The following AGBL4 variants were observed in gnomAD, a reference collection of about 807,000 sequenced individuals.
The protein encoded by AGBL4 is AGBL carboxypeptidase 4.
A neutral mutation model predicts 66.4 loss-of-function variants in AGBL4; 58 were observed. The ratio of observed to expected loss-of-function variants is 0.87; its 90% CI spans 0.71 to 1.09. AGBL4 has a LOEUF of 1.09. Among genes scored for constraint, AGBL4 ranks in the 50% least tolerant of loss-of-function variants. AGBL4 has a pLI of 0.00. For missense variants in AGBL4, 579 were observed against 631.0 expected (o/e 0.92, Z 0.88); for synonymous variants, 234 against 222.9 (o/e 1.05, Z -0.44).
At position 49,697,308 on chromosome 1, in the gene AGBL4, C is replaced by A. The variant is rs774018600; in HGVS notation, c.282+5G>T. 1 of 1,544,572 alleles carries A rather than the reference C, an allele frequency of 6.5e-7. No individual in the cohort carries two copies. The highest frequency in any genetic ancestry group is 8.8e-7 in the Non-Finnish European group (1 of 1,141,892). On this transcript the variant is annotated splice_donor_5th_base_variant and intron_variant, in intron 3 of 13. Transcript: ENST00000371839. The stretch of plus-strand genomic sequence containing the variant: ...CACTCTGAAGGTATCCACTATTTCC[C>A]TCACCTGTGATTCTTTCACATTTTC...
At chr1:48,763,949 A>T (rs968034599) in intron 6 of AGBL4, among the ~76,000 whole-genome samples, 1 of 152,226 alleles carries the variant, frequency 6.6e-6, no homozygotes, top group Non-Finnish European at 1.5e-5. Flanking sequence ...ACATGAATGT[A>T]GGAGAACTCT....
At chr1:48,535,013 T>C in intron 12 of AGBL4, 97 bp from the exon 13 acceptor site, 4 of 1,135,172 alleles carry the variant, frequency 3.5e-6, no homozygotes, top group Non-Finnish European at 5.2e-6. Flanking sequence ...AGGATGTTGT[T>C]TTTAACACCC....
intron 5 of AGBL4, among the ~76,000 whole-genome samples, chr1:48,912,205 G>A (rs552854712): frequency 6.6e-6 from 1 of 150,424 alleles, no homozygotes; most frequent in East Asian, 2.0e-4. Context: ...AACAATGTAA[G>A]CATACCCTTA....
In AGBL4 at chr1:49,666,928, T is replaced by C. The variant is rs375559727; in HGVS notation, c.282+30385A>G. On this transcript the variant is annotated intron_variant, in intron 3 of 13. Transcript: ENST00000371839. ...TGGAGTAAGCACTTTACTATAATTG[T>C]CTCCAAAGCTTGGTTTTGGTATAGA... Among the ~76,000 whole-genome samples, 51 of 152,200 alleles carry C rather than the reference T, an allele frequency of 3.4e-4. 1 individual carries two copies. The South Asian group carries it at 9.5e-3, about 28-fold the overall frequency.
At chr1:48,891,243 G>A (rs564883948) in intron 5 of AGBL4, among the ~76,000 whole-genome samples, 73 of 152,138 alleles carry the variant, frequency 4.8e-4, no homozygotes, top group Middle Eastern at 3.4e-3. Context: ...TCATAGTGTG[G>A]ATCAGGTCAC....
rs529939895 is a variant in AGBL4 at position 49,974,408 on chromosome 1, T to C, written c.34+49355A>G. Among the ~76,000 whole-genome samples the C allele has an allele frequency of 1.2e-3, 184 of 152,244 alleles. 2 individuals are homozygous for C. Among genetic ancestry groups the C allele is most frequent in the Non-Finnish European group, 2.0e-3 (133 of 67,992 alleles). ...AGAGGTTATAACTTAGACAAAGCCATTGAAATAAATGAGGCCAAATATAAA... is the reference window on the plus strand; with the variant it reads ...AGAGGTTATAACTTAGACAAAGCCACTGAAATAAATGAGGCCAAATATAAA... On this transcript the variant is annotated intron_variant, in intron 1 of 13. Transcript: ENST00000371839.
At chr1:49,192,349 A>G (rs1296013598) in intron 4 of AGBL4, among the ~76,000 whole-genome samples, 6 of 152,166 alleles carry the variant, frequency 3.9e-5, no homozygotes, top group Non-Finnish European at 8.8e-5. Context: ...CCCAAGCTGG[A>G]GTGCAATGGC....
chr1:48,686,194 G>A (rs1380447692), intron 6 of AGBL4, among the ~76,000 whole-genome samples: 3 of 152,094 alleles, frequency 2.0e-5, no homozygotes, highest in Non-Finnish European at 2.9e-5. Flanking sequence ...AGTTATTACC[G>A]CCTCCAGGAA....
intron 5 of AGBL4, among the ~76,000 whole-genome samples, chr1:48,995,810 C>T (rs886065420): frequency 1.6e-4 from 24 of 152,112 alleles, no homozygotes; most frequent in African/African-American, 5.1e-4. Context: ...AAAACAAGCC[C>T]TGTAGTGCCT....
Position 49,935,309 on chromosome 1 carries a change from T to A in AGBL4, c.35-83791A>T, listed in dbSNP as rs376708877. On this transcript the variant is annotated intron_variant, in intron 1 of 13. Transcript: ENST00000371839. ...GGCGCCCGCCATTGCCCAGGCTTGC[T>A]TAGATAAACAAAGCAGCCGGGAAGC... Among the ~76,000 whole-genome samples the A allele has an allele frequency of 3.3e-4, 50 of 152,320 alleles. 1 individual carries two copies. In the South Asian group the frequency reaches 9.5e-3, roughly 29 times the overall value.
intron 1 of AGBL4, among the ~76,000 whole-genome samples, chr1:49,929,559 T>C (rs1331421971): frequency 6.6e-6 from 1 of 151,928 alleles, no homozygotes; most frequent in Non-Finnish European, 1.5e-5. Context: ...AAGCTGTTTA[T>C]AAACAAAATT....
chr1:49,660,034 G>C (rs1245515531), intron 3 of AGBL4, among the ~76,000 whole-genome samples: 4 of 152,070 alleles, frequency 2.6e-5, no homozygotes, highest in Admixed American at 6.6e-5. Context: ...TCAGGGAATA[G>C]GCATAAGCAA....
At chr1:49,302,106 C>A (rs542491079) in intron 3 of AGBL4, among the ~76,000 whole-genome samples, 34 of 152,100 alleles carry the variant, frequency 2.2e-4, no homozygotes, top group Admixed American at 7.9e-4. Context: ...CTCCCCCAAC[C>A]CTTTTTTGGA....
At chr1:49,441,140 C>T (rs891950444) in intron 3 of AGBL4, among the ~76,000 whole-genome samples, 5 of 152,124 alleles carry the variant, frequency 3.3e-5, no homozygotes, top group South Asian at 4.1e-4. Context: ...ATTAAAGTTC[C>T]GGTGGGCCCC....
At chr1:49,667,680 A>G (rs963003695) in intron 3 of AGBL4, among the ~76,000 whole-genome samples, 1 of 152,146 alleles carries the variant, frequency 6.6e-6, no homozygotes, top group Non-Finnish European at 1.5e-5. Context: ...TCAATAGAAA[A>G]CAACCCCATA....
At chr1:49,266,225 T>A (rs2148374981) in intron 3 of AGBL4, 1 of 152,178 alleles carries the variant, frequency 6.6e-6, no homozygotes, top group East Asian at 1.9e-4. Context: ...ACTGAAAACT[T>A]GTGAGAAGGC....
chr1:49,478,036 A>C (rs1383651592), intron 3 of AGBL4, among the ~76,000 whole-genome samples: 1 of 151,744 alleles, frequency 6.6e-6, no homozygotes, highest in Non-Finnish European at 1.5e-5. Context: ...AAATTTTAAA[A>C]AAGAATTAAA....
chr1:49,050,491 T>C lies in AGBL4; in HGVS notation c.378-4691A>G, dbSNP rs191150902. On this transcript the variant is annotated intron_variant, in intron 4 of 13. Coordinates refer to ENST00000371839, the MANE Select transcript of AGBL4 (RefSeq NM_032785.4). ...CCAAGAACACTTATGAATGGATAAA[T>C]GTTTGTGAATAAATAATGTCAGCTC... Among the ~76,000 whole-genome samples the C allele has an allele frequency of 2.5e-4, 38 of 152,216 alleles. 1 individual carries two copies. Among genetic ancestry groups the C allele is most frequent in the Admixed American group, 2.4e-3 (37 of 15,262 alleles).
At position 48,736,123 on chromosome 1, in the gene AGBL4, C is replaced by T. The variant is rs78956351; in HGVS notation, c.635-72882G>A. On this transcript the variant is annotated intron_variant, in intron 6 of 13. Transcript: ENST00000371839. The surrounding 1 kb of genome is among the most constrained non-coding windows in gnomAD (Gnocchi z 4.0). The stretch of plus-strand genomic sequence containing the variant: ...CCGCTTGGTGTCCCCGGGCTCAGCC[C>T]AGGGTCTGGCATGCAGAAGCTTCAT... 3.8e-4 allele frequency: 464 copies of T among 1,224,460 alleles called. No individual in the cohort carries two copies. The African/African-American group carries it at 6.6e-3, about 17-fold the overall frequency. 75.8% of individuals were successfully genotyped at this position (1,224,460 alleles called of 1,614,324 possible).
Sources: allele counts gnomAD v4.1 joint callset (sites outside exome capture counted in the v4.1 genomes callset), GRCh38; gene constraint gnomAD v4.1.1; non-coding constraint Gnocchi (gnomAD v3.1); transcripts MANE v1.5; gene names NCBI Gene and HGNC (gene_info 2026-07-23, HGNC 2026-07-21).